OGDH: variants seen among roughly 807,000 people sequenced by gnomAD.
The protein encoded by OGDH is oxoglutarate dehydrogenase, also known as 2-oxoglutarate dehydrogenase complex component E1.
Under a neutral mutation model 116.6 loss-of-function variants are expected in OGDH, and 38 were observed. The observed-to-expected ratio is 0.33, with a 90% CI of 0.25 to 0.43. The LOEUF (loss-of-function observed/expected upper bound fraction) is 0.43, where lower values mean the gene tolerates loss of function less well. Among genes scored for constraint, OGDH ranks in the 20% least tolerant of loss-of-function variants. The pLI, the probability that OGDH is intolerant of heterozygous loss-of-function variation, is 1.00. For missense variants in OGDH, 825 were observed against 1,357.2 expected (o/e 0.61, Z 6.16); for synonymous variants, 488 against 533.3 (o/e 0.92, Z 1.17).
At chr7:44,665,448 T>C (rs556119237) in intron 4 of OGDH, among the ~76,000 whole-genome samples, 153 of 152,308 alleles carry the variant, frequency 1.0e-3, no homozygotes, top group Non-Finnish European at 1.6e-3. Context: ...TCCCAAACCA[T>C]GCTTGAATCA....
At chr7:44,614,404 T>C (rs1325313953) in intron 1 of OGDH, among the ~76,000 whole-genome samples, 1 of 152,108 alleles carries the variant, frequency 6.6e-6, no homozygotes, top group Admixed American at 6.6e-5. Flanking sequence ...GGGTTCTTTA[T>C]GCCTTTTGCC....
intron 2 of OGDH, among the ~76,000 whole-genome samples, chr7:44,641,225 C>CTTTTTTTTTTTTTTTTTTTT (rs1175522868): frequency 2.4e-5 from 2 of 81,662 alleles, no homozygotes; most frequent in Non-Finnish European, 4.8e-5. Context: ...TTTTTTTTTT[C>CTTTTTTTTTTTTTTTTTTTT]TTTTTTTTTT....
At chr7:44,680,056 G>A (rs1375403799) in intron 9 of OGDH, among the ~76,000 whole-genome samples, 1 of 152,024 alleles carries the variant, frequency 6.6e-6, no homozygotes, top group Non-Finnish European at 1.5e-5. Context: ...ACAAAAAAAT[G>A]CCAAAATTAG....
intron 2 of OGDH, among the ~76,000 whole-genome samples, chr7:44,635,908 T>C (rs1435041551): frequency 6.6e-6 from 1 of 152,170 alleles, no homozygotes; most frequent in Non-Finnish European, 1.5e-5. Flanking sequence ...TTTCACCATG[T>C]TGGCCAGGAT....
intron 1 of OGDH, among the ~76,000 whole-genome samples, chr7:44,610,659 G>C (rs1203596133): frequency 6.6e-6 from 1 of 151,806 alleles, no homozygotes; most frequent in Admixed American, 6.6e-5. Flanking sequence ...TGTTGCCCAG[G>C]CTGGAGTGCA....
chr7:44,626,755 T>C (rs2300413), intron 2 of OGDH, among the ~76,000 whole-genome samples: 13,631 of 152,186 alleles, frequency 0.09, 1,224 homozygotes, highest in East Asian at 0.44. Flanking sequence ...TTTATGCCTG[T>C]TTCTGTTGCT....
chr7:44,698,747 G>A (rs1412846921), intron 18 of OGDH, among the ~76,000 whole-genome samples: 1 of 151,736 alleles, frequency 6.6e-6, no homozygotes, highest in Non-Finnish European at 1.5e-5. Context: ...AGGCTGAGGT[G>A]GGAGGATTGC....
At chr7:44,632,723 A>G (rs748553047) in intron 2 of OGDH, among the ~76,000 whole-genome samples, 2 of 151,924 alleles carry the variant, frequency 1.3e-5, no homozygotes, top group Non-Finnish European at 1.5e-5. Flanking sequence ...GGTTCAAGTG[A>G]TTCACCTGCC....
chr7:44,691,982 A>T (rs1210769948), intron 10 of OGDH, among the ~76,000 whole-genome samples: 6 of 10,918 alleles, frequency 5.5e-4, no homozygotes, highest in African/African-American at 2.1e-3. Context: ...ACTCTGTCTT[A>T]AAAAAAAAAA....
intron 7 of OGDH, chr7:44,674,855 G>A (rs1431904065): frequency 3.7e-6 from 2 of 533,432 alleles, no homozygotes; most frequent in Non-Finnish European, 6.8e-6. Context: ...GTCTAACCTG[G>A]AGGGAAGGCT....
At chr7:44,637,285 GCCCCT>G (rs1785712733) in intron 2 of OGDH, among the ~76,000 whole-genome samples, 1 of 152,082 alleles carries the variant, frequency 6.6e-6, no homozygotes, top group South Asian at 2.1e-4. Flanking sequence ...CAGACCGTGG[GCCCCT>G]CCTCAGAGCA....
intron 2 of OGDH, among the ~76,000 whole-genome samples, chr7:44,641,540 G>C (rs904911034): frequency 6.6e-6 from 1 of 152,078 alleles, no homozygotes; most frequent in Non-Finnish European, 1.5e-5. Context: ...TAGGTTTTAC[G>C]TGACAGTGGT....
At chr7:44,684,866 T>G (rs763816838) in intron 10 of OGDH, among the ~76,000 whole-genome samples, 7 of 152,078 alleles carry the variant, frequency 4.6e-5, no homozygotes, top group Non-Finnish European at 8.8e-5. Context: ...CTTGGCTCAC[T>G]GCAACCTCCA....
chr7:44,628,618 T>TA (rs963252539), intron 2 of OGDH, among the ~76,000 whole-genome samples: 6 of 151,400 alleles, frequency 4.0e-5, no homozygotes, highest in African/African-American at 1.2e-4. Flanking sequence ...TTTAAAAAAA[T>TA]AAAAAAATGT....
chr7:44,694,659 C>A lies in OGDH; in HGVS notation c.1668+83C>A. ...AGGTGGGCCACAGGGCCAGTTCTCA[C>A]TTTTGCCAGTTATGAGGATACACGT... On this transcript the variant is annotated intron_variant, in intron 12 of 22. Transcript: ENST00000222673. The surrounding 1 kb of genome is among the most constrained non-coding windows in gnomAD (Gnocchi z 4.2). 6.6e-7 allele frequency: 1 copy of A among 1,518,288 alleles called. No homozygotes were observed. The highest frequency in any genetic ancestry group is 9.1e-7 in the Non-Finnish European group (1 of 1,102,510). The allele number at this position is 1,518,288 out of a possible 1,614,324, so 94.1% of individuals were successfully genotyped here.
intron 1 of OGDH, among the ~76,000 whole-genome samples, chr7:44,612,805 G>C (rs1346677189): frequency 6.6e-6 from 1 of 151,896 alleles, no homozygotes; most frequent in Admixed American, 6.6e-5. Context: ...AAGCAATCTT[G>C]CTACTTCAGC....
intron 2 of OGDH, among the ~76,000 whole-genome samples, chr7:44,634,088 C>G (rs567146273): frequency 6.6e-6 from 1 of 152,348 alleles, no homozygotes; most frequent in African/African-American, 2.4e-5. Flanking sequence ...TGCCAGCTCC[C>G]TTGGAGCTGA....
chr7:44,670,743 G>T (rs1158367112), intron 5 of OGDH, among the ~76,000 whole-genome samples: 2 of 152,138 alleles, frequency 1.3e-5, no homozygotes, highest in African/African-American at 4.8e-5. Flanking sequence ...GGGCGTGGTG[G>T]CTCAAGCCTG....
chr7:44,671,501 C>T (rs1476190191), intron 5 of OGDH, among the ~76,000 whole-genome samples: 2 of 152,112 alleles, frequency 1.3e-5, no homozygotes, highest in African/African-American at 4.8e-5. Context: ...CGGTGGCTCA[C>T]GCCTGTAATT....
Sources: gnomAD v4.1 joint callset for allele counts (sites outside exome capture counted in the v4.1 genomes callset) on GRCh38, gnomAD v4.1.1 for gene constraint, Gnocchi (gnomAD v3.1) non-coding constraint, MANE v1.5 for transcripts, NCBI Gene and HGNC (gene_info 2026-07-23, HGNC 2026-07-21) for gene names.